The following GDI2 variants were observed in gnomAD, a reference collection of about 807,000 sequenced individuals.
GDI2 encodes rab GDP dissociation inhibitor beta.
Under a neutral mutation model 54.2 loss-of-function variants are expected in GDI2, and 22 were observed. That is an observed-to-expected ratio of 0.41 (90% CI 0.29 to 0.58). The LOEUF (loss-of-function observed/expected upper bound fraction) is 0.58. GDI2 is among the 20% of genes least tolerant of loss of function. GDI2 has a pLI of 0.35. For synonymous variants in GDI2, 177 were observed against 182.1 expected (o/e 0.97, Z 0.23); for missense variants, 422 against 546.0 (o/e 0.77, Z 2.26).
chr10:5,774,255 G>A lies in GDI2; in HGVS notation c.720-314C>T, dbSNP rs1415469423. ...AGCTTTTCAATAAACGTCCACTCCT[G>A]CTCTAAAACTTGCCTCAGTCTCTCC... On this transcript the variant is annotated intron_variant, in intron 6 of 10. Coordinates refer to ENST00000380191, the MANE Select transcript of GDI2 (RefSeq NM_001494.4). The surrounding 1 kb of genome is among the most constrained non-coding windows in gnomAD (Gnocchi z 4.8). Among the ~76,000 whole-genome samples, 2 of 151,950 alleles carry A rather than the reference G, an allele frequency of 1.3e-5. No homozygotes were observed. The highest frequency in any genetic ancestry group is 6.6e-5 in the Admixed American group (1 of 15,244).
chr10:5,783,368 G>A (rs1484860651), intron 6 of GDI2, among the ~76,000 whole-genome samples: 3 of 152,134 alleles, frequency 2.0e-5, no homozygotes, highest in African/African-American at 4.8e-5. Context: ...CTTGAAGACA[G>A]CAGATACTTG....
At chr10:5,790,062 G>A (rs937502556) in intron 4 of GDI2, among the ~76,000 whole-genome samples, 4 of 152,174 alleles carry the variant, frequency 2.6e-5, no homozygotes, top group African/African-American at 9.7e-5. Context: ...TGAGTAAAAC[G>A]TAGGACCCAC....
rs1345223220 is a variant in GDI2, at chr10:5,785,425, A to G, written c.588-152T>C. 6.6e-6 allele frequency: 4 copies of G among 603,986 alleles called. No homozygotes were observed. The East Asian group carries it at 1.1e-4, about 17-fold the overall frequency. 37.4% of individuals were successfully genotyped at this position (603,986 alleles called of 1,614,324 possible). A position where few individuals can be genotyped will look rare whatever the true frequency, so the allele number is the denominator to read the frequency against. ...GGTCTCACTCTGTCGCCCAGACTGGAGTGCAGTGGTGCAATCTCGGCTCCC... is the reference window on the plus strand; with the variant it reads ...GGTCTCACTCTGTCGCCCAGACTGGGGTGCAGTGGTGCAATCTCGGCTCCC... On this transcript the variant is annotated intron_variant, in intron 5 of 10. Transcript: ENST00000380191.
chr10:5,796,491 G>T (rs1041441269), intron 3 of GDI2, among the ~76,000 whole-genome samples: 5 of 152,170 alleles, frequency 3.3e-5, no homozygotes, highest in African/African-American at 1.2e-4. Context: ...AGCATCAACA[G>T]GTAAGTCTGT....
intron 2 of GDI2, among the ~76,000 whole-genome samples, chr10:5,798,597 A>G (rs1241842248): frequency 6.6e-6 from 1 of 152,094 alleles, no homozygotes; most frequent in Non-Finnish European, 1.5e-5. Flanking sequence ...TCAAAAAAAA[A>G]AAAAAGAAAA....
At position 5,774,596 on chromosome 10, in the gene GDI2, T is replaced by C. The variant is rs1311840434; in HGVS notation, c.720-655A>G. The stretch of plus-strand genomic sequence containing the variant: ...CCGCAGCGGCTCTGCATCCATAGCT[T>C]ATCCCTCCTCGCTCACCCTGATGGA... On this transcript the variant is annotated intron_variant, in intron 6 of 10. Coordinates refer to ENST00000380191, the MANE Select transcript of GDI2 (RefSeq NM_001494.4). This position sits in a 1 kb window ranked among gnomAD's most constrained non-coding sequence, Gnocchi z 4.8. Among the ~76,000 whole-genome samples, 5 of 152,132 alleles carry C rather than the reference T, an allele frequency of 3.3e-5. No homozygotes were observed. Among genetic ancestry groups the C allele is most frequent in the African/African-American group, 1.2e-4 (5 of 41,428 alleles).
Position 5,774,829 on chromosome 10 carries a change from G to A in GDI2, c.720-888C>T, listed in dbSNP as rs567634711. On this transcript the variant is annotated intron_variant, in intron 6 of 10. Coordinates refer to ENST00000380191, the MANE Select transcript of GDI2 (RefSeq NM_001494.4). The surrounding 1 kb of genome is among the most constrained non-coding windows in gnomAD (Gnocchi z 4.8). ...TGTGTGTGTTCTAAAATGGCCTTGT[G>A]CAGTCGCGGGACTATCCACATCAGA... Among the ~76,000 whole-genome samples, 1 of 152,260 alleles carries A rather than the reference G, an allele frequency of 6.6e-6. No homozygotes were observed. Among genetic ancestry groups the A allele is most frequent in the African/African-American group, 2.4e-5 (1 of 41,522 alleles).
intron 4 of GDI2, among the ~76,000 whole-genome samples, chr10:5,792,122 T>C (rs996977282): frequency 2.6e-5 from 4 of 152,196 alleles, no homozygotes; most frequent in Admixed American, 1.3e-4. Flanking sequence ...TTAAAATATC[T>C]AAAAAGCAAT....
chr10:5,794,179 AAAAAAAAAAATATAT>A (rs1841080600), intron 4 of GDI2, among the ~76,000 whole-genome samples: 1 of 42,550 alleles, frequency 2.4e-5, no homozygotes, highest in South Asian at 9.7e-4. Flanking sequence ...AAAGAAAAAA[AAAAAAAAAAATATAT>A]ATATATATAT....
intron 4 of GDI2, among the ~76,000 whole-genome samples, chr10:5,792,304 G>A (rs1175458870): frequency 6.6e-6 from 1 of 152,112 alleles, no homozygotes; most frequent in Non-Finnish European, 1.5e-5. Flanking sequence ...AATAGCACCT[G>A]CATCTCACAC....
chr10:5,791,055 G>T (rs1393164718), intron 4 of GDI2, among the ~76,000 whole-genome samples: 1 of 152,132 alleles, frequency 6.6e-6, no homozygotes, highest in African/African-American at 2.4e-5. Flanking sequence ...CTTTTGGGAG[G>T]CTGAGGAGAG....
intron 4 of GDI2, among the ~76,000 whole-genome samples, chr10:5,794,172 GAAA>G (rs1256206663): frequency 8.0e-3 from 222 of 27,902 alleles, no homozygotes; most frequent in Non-Finnish European, 0.01. Flanking sequence ...GTCTTTAAAA[GAAA>G]AAAAAAAAAA....
intron 1 of GDI2, among the ~76,000 whole-genome samples, chr10:5,803,873 T>C (rs1298885164): frequency 2.0e-5 from 3 of 152,170 alleles, no homozygotes. Flanking sequence ...CCATGTATCT[T>C]TATAAATCTT....
intron 6 of GDI2, among the ~76,000 whole-genome samples, chr10:5,783,115 G>A (rs1840799006): frequency 6.6e-6 from 1 of 152,122 alleles, no homozygotes; most frequent in Non-Finnish European, 1.5e-5. Context: ...TTCATTATGA[G>A]GTGACACAAG....
At position 5,768,708 on chromosome 10, in the gene GDI2, G is replaced by A; in HGVS notation, c.820-324C>T. 5.0e-6 allele frequency: 1 copy of A among 200,888 alleles called. No homozygotes were observed. Among genetic ancestry groups the A allele is most frequent in the Non-Finnish European group, 1.0e-5 (1 of 99,982 alleles). The allele number at this position is 200,888 out of a possible 1,614,324, so 12.4% of individuals were successfully genotyped here. A position where few individuals can be genotyped will look rare whatever the true frequency, so the allele number is the denominator to read the frequency against. On this transcript the variant is annotated intron_variant, in intron 7 of 10. Transcript: ENST00000380191. This position sits in a 1 kb window ranked among gnomAD's most constrained non-coding sequence, Gnocchi z 4.4. ...CAGTACAGTGATTTTTGACAAAGTT[G>A]CAAAGACCATTCAATGAGGGGAAAA...
chr10:5,790,224 C>G (rs192394632), intron 4 of GDI2, among the ~76,000 whole-genome samples: 1 of 152,220 alleles, frequency 6.6e-6, no homozygotes, highest in Non-Finnish European at 1.5e-5. Context: ...CATACACATA[C>G]AACCTAAACT....
At position 5,804,883 on chromosome 10, in the gene GDI2, G is replaced by A. The variant is rs1841344156; in HGVS notation, c.46-4178C>T. Among the ~76,000 whole-genome samples the A allele has an allele frequency of 2.0e-5, 3 of 151,250 alleles. No homozygotes were observed. In the South Asian group the frequency reaches 6.3e-4, roughly 32 times the overall value. ...AGTTTCTCTCTTGTTGCCCAGGCTG[G>A]AGTGCAATGGCACGATCTCAGCTCA... On this transcript the variant is annotated intron_variant, in intron 1 of 10. Coordinates refer to ENST00000380191, the MANE Select transcript of GDI2 (RefSeq NM_001494.4).
intron 6 of GDI2, among the ~76,000 whole-genome samples, chr10:5,782,249 T>A (rs77893560): frequency 6.6e-6 from 1 of 152,036 alleles, no homozygotes; most frequent in South Asian, 2.1e-4. Context: ...AGTCAAGAAA[T>A]ACAAATTAAA....
chr10:5,785,369 TTC>T, intron 5 of GDI2, 96 bp from the exon 6 acceptor site: 3 of 579,142 alleles, frequency 5.2e-6, no homozygotes, highest in South Asian at 2.4e-5. Flanking sequence ...ATCCGCTATC[TTC>T]TTTTTTGTTT....
Sources: allele counts gnomAD v4.1 joint callset (sites outside exome capture counted in the v4.1 genomes callset), GRCh38; gene constraint gnomAD v4.1.1; non-coding constraint Gnocchi (gnomAD v3.1); transcripts MANE v1.5; gene names NCBI Gene and HGNC (gene_info 2026-07-23, HGNC 2026-07-21).